Variants in CHST11 observed in about 807,000 individuals in gnomAD.
CHST11 encodes the protein carbohydrate sulfotransferase 11.
Under a neutral mutation model 30.4 loss-of-function variants are expected in CHST11, and 9 were observed. That is an observed-to-expected ratio of 0.30 (90% CI 0.18 to 0.52). The LOEUF is 0.52. CHST11 is among the 20% of genes least tolerant of loss of function. The pLI is 0.97. For synonymous variants in CHST11, 152 were observed against 187.8 expected (o/e 0.81, Z 1.56); for missense variants, 348 against 460.6 (o/e 0.76, Z 2.24).
At chr12:104,650,326 G>A (rs1407697499) in intron 2 of CHST11, among the ~76,000 whole-genome samples, 2 of 152,260 alleles carry the variant, frequency 1.3e-5, no homozygotes, top group South Asian at 2.1e-4. Context: ...CAACTCTTGT[G>A]TCAGCCTCTC....
chr12:104,513,813 G>T (rs1200143312), intron 1 of CHST11, among the ~76,000 whole-genome samples: 2 of 152,192 alleles, frequency 1.3e-5, no homozygotes, highest in African/African-American at 4.8e-5. Flanking sequence ...TATTGGCAAG[G>T]TTTCGAGACA....
chr12:104,738,564 G>A (rs145671177), intron 2 of CHST11, among the ~76,000 whole-genome samples: 23 of 152,326 alleles, frequency 1.5e-4, no homozygotes, highest in African/African-American at 2.2e-4. Context: ...GCCCCATGAT[G>A]CAATGAGGCG....
At chr12:104,584,344 C>T (rs2038781036) in intron 1 of CHST11, among the ~76,000 whole-genome samples, 1 of 150,018 alleles carries the variant, frequency 6.7e-6, no homozygotes, top group Non-Finnish European at 1.5e-5. Context: ...GCAACCTCTG[C>T]CTCCCGGGTT....
chr12:104,465,304 C>T (rs1267222912), intron 1 of CHST11, among the ~76,000 whole-genome samples: 1 of 152,156 alleles, frequency 6.6e-6, no homozygotes, highest in Non-Finnish European at 1.5e-5. Flanking sequence ...TTTCAGAGCC[C>T]AGGGCTTGTA....
intron 1 of CHST11, among the ~76,000 whole-genome samples, chr12:104,518,666 G>A (rs1383998844): frequency 6.6e-6 from 1 of 152,094 alleles, no homozygotes; most frequent in Non-Finnish European, 1.5e-5. Context: ...AACACTTCAG[G>A]TAATGAGACA....
At chr12:104,569,150 A>G (rs561058718) in intron 1 of CHST11, among the ~76,000 whole-genome samples, 1 of 152,252 alleles carries the variant, frequency 6.6e-6, no homozygotes, top group East Asian at 1.9e-4. Flanking sequence ...CTGGAACCCA[A>G]TTGTCTGGCT....
intron 1 of CHST11, among the ~76,000 whole-genome samples, chr12:104,476,441 G>A (rs1306761978): frequency 2.0e-5 from 3 of 151,878 alleles, no homozygotes; most frequent in Admixed American, 6.6e-5. Flanking sequence ...ACCGAATCAT[G>A]GGCATTTTCT....
chr12:104,675,487 A>G (rs566974171), intron 2 of CHST11, among the ~76,000 whole-genome samples: 3 of 152,310 alleles, frequency 2.0e-5, no homozygotes, highest in African/African-American at 7.2e-5. Context: ...GTGTATTACT[A>G]TCTCCTGTTC....
rs990899256 is a variant in CHST11 at position 104,762,013 on chromosome 12, A to C, written c.*4210A>C. ...ACTTCAATTAAATTGAAGAAAAAAG[A>C]AGCTGCTTTCTGTGTATGGTTTGCT... On this transcript the variant is annotated 3_prime_UTR_variant, in exon 3 of 3. Coordinates refer to ENST00000303694, the MANE Select transcript of CHST11 (RefSeq NM_018413.6). 2.0e-5 allele frequency: 3 copies of C among 152,222 alleles called. No homozygotes were observed. The highest frequency in any genetic ancestry group is 7.2e-5 in the African/African-American group (3 of 41,460). The allele number at this position is 152,222 out of a possible 1,614,324, so 9.4% of individuals were successfully genotyped here.
At chr12:104,670,332 C>T (rs2039678476) in intron 2 of CHST11, among the ~76,000 whole-genome samples, 1 of 152,190 alleles carries the variant, frequency 6.6e-6, no homozygotes, top group Non-Finnish European at 1.5e-5. Flanking sequence ...TCTGCCTCTG[C>T]ACGGCACCCA....
chr12:104,610,522 G>A (rs1318542758), intron 2 of CHST11, among the ~76,000 whole-genome samples: 1 of 152,174 alleles, frequency 6.6e-6, no homozygotes, highest in African/African-American at 2.4e-5. Flanking sequence ...TAACACAGCT[G>A]TACAATCTGC....
intron 2 of CHST11, among the ~76,000 whole-genome samples, chr12:104,675,485 C>T (rs1014794568): frequency 4.6e-5 from 7 of 152,182 alleles, no homozygotes; most frequent in African/African-American, 1.7e-4. Flanking sequence ...GGGTGTATTA[C>T]TATCTCCTGT....
intron 2 of CHST11, among the ~76,000 whole-genome samples, chr12:104,728,699 A>T (rs2136131106): frequency 6.6e-6 from 1 of 152,320 alleles, no homozygotes; most frequent in East Asian, 1.9e-4. Flanking sequence ...ATCCTCCTGA[A>T]GTCCCAACCC....
chr12:104,730,608 G>A (rs547152444), intron 2 of CHST11, among the ~76,000 whole-genome samples: 1 of 152,324 alleles, frequency 6.6e-6, no homozygotes, highest in East Asian at 1.9e-4. Context: ...CGGGCCCAGA[G>A]GAGGAGACAC....
intron 2 of CHST11, among the ~76,000 whole-genome samples, chr12:104,653,523 A>G (rs1160125111): frequency 1.3e-5 from 2 of 152,178 alleles, no homozygotes; most frequent in African/African-American, 4.8e-5. Context: ...AGTATGAGTG[A>G]ATCCGAGTAC....
chr12:104,593,652 A>C (rs1187690320), intron 1 of CHST11, among the ~76,000 whole-genome samples: 1 of 152,198 alleles, frequency 6.6e-6, no homozygotes, highest in Non-Finnish European at 1.5e-5. Context: ...GGGGGAAAGC[A>C]TGCTGGTTTG....
At chr12:104,558,250 G>A (rs979443934) in intron 1 of CHST11, among the ~76,000 whole-genome samples, 4 of 152,114 alleles carry the variant, frequency 2.6e-5, no homozygotes, top group South Asian at 2.1e-4. Flanking sequence ...CGAAGCCTTC[G>A]CACCTGTCTG....
At position 104,707,778 on chromosome 12, in the gene CHST11, T is replaced by C. The variant is rs1466697441; in HGVS notation, c.205-49171T>C. On this transcript the variant is annotated intron_variant, in intron 2 of 2. Coordinates refer to ENST00000303694, the MANE Select transcript of CHST11 (RefSeq NM_018413.6). ...CACACACACACAGATACATGTATCA[T>C]ATATACCCACTGACAACGAGGACAC... Among the ~76,000 whole-genome samples the C allele has an allele frequency of 4.6e-5, 7 of 152,198 alleles. No homozygotes were observed. In the East Asian group the frequency reaches 1.3e-3, roughly 29 times the overall value.
chr12:104,498,740 G>A (rs908543898), intron 1 of CHST11, among the ~76,000 whole-genome samples: 1 of 152,252 alleles, frequency 6.6e-6, no homozygotes, highest in African/African-American at 2.4e-5. Flanking sequence ...TCAAGCGGAT[G>A]TGGGGTGGAT....
Sources: gnomAD v4.1 joint callset for allele counts (sites outside exome capture counted in the v4.1 genomes callset) on GRCh38, gnomAD v4.1.1 for gene constraint, MANE v1.5 for transcripts, NCBI Gene and HGNC (gene_info 2026-07-23, HGNC 2026-07-21) for gene names.